TRIM5: variants seen among roughly 807,000 people sequenced by gnomAD.
TRIM5 encodes tripartite motif-containing protein 5.
In TRIM5, 31 loss-of-function variants were observed where a neutral mutation model predicts 35.6. The observed-to-expected ratio is 0.87, with a 90% confidence interval of 0.65 to 1.18. The LOEUF is 1.18. TRIM5 is among the 50% of genes most tolerant of loss of function. The pLI, the probability that TRIM5 is intolerant of heterozygous loss-of-function variation, is 0.00. For missense variants in TRIM5, 609 were observed against 591.6 expected (o/e 1.03, Z -0.31); for synonymous variants, 243 against 215.6 (o/e 1.13, Z -1.11).
chr11:5,632,355 C>T, the TRIM5 span: 13 of 1,613,920 alleles, frequency 8.1e-6, no homozygotes, highest in African/African-American at 2.7e-5. Flanking sequence ...TCTTGCTTAA[C>T]GTACAAGAGG....
chr11:5,625,994 G>A, the TRIM5 span, among the ~76,000 whole-genome samples: 1 of 152,194 alleles, frequency 6.6e-6, no homozygotes, highest in African/African-American at 2.4e-5. Context: ...AAGCTCACTT[G>A]TGAGCAATTT....
chr11:5,637,581 A>AT, the TRIM5 span, among the ~76,000 whole-genome samples: 1 of 152,018 alleles, frequency 6.6e-6, no homozygotes, highest in African/African-American at 2.4e-5. Flanking sequence ...ATTATTTAAA[A>AT]TTTTTTTTCC....
chr11:5,621,583 T>C, the TRIM5 span, among the ~76,000 whole-genome samples: 1 of 152,240 alleles, frequency 6.6e-6, no homozygotes, highest in African/African-American at 2.4e-5. Flanking sequence ...AGTGATGATT[T>C]TTCTACCATT....
At chr11:5,634,665 C>G in the TRIM5 span, 1 of 1,613,598 alleles carries the variant, frequency 6.2e-7, no homozygotes, top group African/African-American at 1.3e-5. Flanking sequence ...AGGATACAAA[C>G]AGAATTTGAT....
the TRIM5 span, among the ~76,000 whole-genome samples, chr11:5,657,327 G>C: frequency 6.6e-6 from 1 of 151,460 alleles, no homozygotes; most frequent in Non-Finnish European, 1.5e-5. Context: ...GGGGACTAGG[G>C]AAGGGATCGC....
downstream of TRIM5, among the ~76,000 whole-genome samples, chr11:5,658,532 A>G (rs1351616591): frequency 6.6e-6 from 1 of 152,256 alleles, no homozygotes; most frequent in South Asian, 2.1e-4. Context: ...ACCTGCAGGC[A>G]GCAAAGAGGA....
the TRIM5 span, chr11:5,644,374 T>C: frequency 2.5e-6 from 1 of 397,364 alleles, no homozygotes; most frequent in Non-Finnish European, 4.4e-6. Flanking sequence ...ACATAATAAA[T>C]ATTTGCTCTC....
At position 5,665,306 on chromosome 11, in the gene TRIM5, A is replaced by G. The variant is rs762423093; in HGVS notation, c.985T>C (p.Tyr329His). 1 of 1,614,124 alleles carries G rather than the reference A, an allele frequency of 6.2e-7. No homozygotes were observed. The highest frequency in any genetic ancestry group is 2.2e-5 in the East Asian group (1 of 44,872). ...QVSSPKPQII[Y>H]GARGTRYQTF... ...TGGTATCTTGTCCCTCGTGCCCCAT[A>G]TATTATCTGTGGTTTCGGAGAGCTC... is the stretch of plus-strand genomic sequence containing the variant. Residue 329 changes from tyrosine to histidine, a missense_variant, in exon 8 of 8, where the codon TAT becomes CAT. Physicochemically the swap from Tyr to His is moderately conservative, Grantham distance 83. Coordinates refer to ENST00000380034, the MANE Select transcript of TRIM5 (RefSeq NM_033034.3).
the TRIM5 span, among the ~76,000 whole-genome samples, chr11:5,616,100 A>C: frequency 3.4e-4 from 50 of 148,308 alleles, 1 homozygote; most frequent in Middle Eastern, 7.2e-3. Flanking sequence ...ACAGGCGCCC[A>C]CCACCACGCC....
chr11:5,608,717 A>G, the TRIM5 span, among the ~76,000 whole-genome samples: 2 of 151,874 alleles, frequency 1.3e-5, no homozygotes, highest in African/African-American at 4.8e-5. Flanking sequence ...ATGAATAAAG[A>G]GTTGCAGTAT....
chr11:5,627,164 G>A, the TRIM5 span, among the ~76,000 whole-genome samples: 1 of 151,900 alleles, frequency 6.6e-6, no homozygotes, highest in Admixed American at 6.6e-5. Flanking sequence ...GATCACCTGA[G>A]GTGGATCATG....
the TRIM5 span, among the ~76,000 whole-genome samples, chr11:5,635,341 C>T: frequency 1.1e-4 from 17 of 151,472 alleles, no homozygotes; most frequent in South Asian, 3.4e-3. Context: ...CTGCAAGCTC[C>T]GCCTCCCAGG....
chr11:5,648,520 T>TAAATA, the TRIM5 span, among the ~76,000 whole-genome samples: 77 of 151,842 alleles, frequency 5.1e-4, 1 homozygote, highest in South Asian at 0.015. Flanking sequence ...AATAAATAAA[T>TAAATA]AAATAAAATA....
chr11:5,607,426 A>G, the TRIM5 span, among the ~76,000 whole-genome samples: 2 of 152,198 alleles, frequency 1.3e-5, no homozygotes, highest in African/African-American at 4.8e-5. Flanking sequence ...TTGTGCCTCT[A>G]TGAAATGCCA....
the TRIM5 span, among the ~76,000 whole-genome samples, chr11:5,657,232 G>A: frequency 6.6e-6 from 1 of 151,964 alleles, no homozygotes; most frequent in Non-Finnish European, 1.5e-5. Flanking sequence ...AACACTGCAT[G>A]TTCTCACTTA....
At chr11:5,669,215 G>C (rs964345815) in intron 4 of TRIM5, among the ~76,000 whole-genome samples, 1 of 151,994 alleles carries the variant, frequency 6.6e-6, no homozygotes, top group African/African-American at 2.4e-5. Context: ...GAGTAGCTGG[G>C]ATTACAGGCG....
intron 4 of TRIM5, 98 bp downstream of exon 4, chr11:5,678,106 G>A: frequency 9.5e-7 from 1 of 1,049,502 alleles, no homozygotes; most frequent in Non-Finnish European, 1.3e-6. Context: ...GTCCTGCAGA[G>A]AACATTGTTA....
At chr11:5,610,046 G>A in the TRIM5 span, 1 of 1,243,174 alleles carries the variant, frequency 8.0e-7, no homozygotes, top group Non-Finnish European at 1.1e-6. Context: ...TCAGAAAGGA[G>A]GATTGGAATT....
Position 5,666,088 on chromosome 11 carries a change from A to T in TRIM5, c.768-7T>A. 6.5e-7 allele frequency: 1 copy of T among 1,539,404 alleles called. No individual in the cohort carries two copies. The highest frequency in any genetic ancestry group is 1.6e-5 in the African/African-American group (1 of 62,936). Reference sequence around the variant, plus strand: ...CAAGGTCACGTTCTCCGTCCTAAGAATTAAAAAAAAAAAAAAAAACTTCCA... The same window carrying T: ...CAAGGTCACGTTCTCCGTCCTAAGATTTAAAAAAAAAAAAAAAAACTTCCA... On this transcript the variant is annotated splice_region_variant and splice_polypyrimidine_tract_variant and intron_variant, in intron 5 of 7. Transcript: ENST00000380034.
Sources: gnomAD v4.1 joint callset for allele counts (sites outside exome capture counted in the v4.1 genomes callset) on GRCh38, gnomAD v4.1.1 for gene constraint, MANE v1.5 for transcripts, NCBI Gene and HGNC (gene_info 2026-07-23, HGNC 2026-07-21) for gene names.